Variants in SAMHD1 observed in about 807,000 individuals in gnomAD.
The protein encoded by SAMHD1 is deoxynucleoside triphosphate triphosphohydrolase SAMHD1.
A neutral mutation model predicts 79.6 loss-of-function variants in SAMHD1; 54 were observed. The ratio of observed to expected loss-of-function variants is 0.68; its 90% confidence interval spans 0.55 to 0.85. The LOEUF (loss-of-function observed/expected upper bound fraction) is 0.85, where lower values mean the gene tolerates loss of function less well. Among genes scored for constraint, SAMHD1 ranks in the 40% least tolerant of loss-of-function variants. SAMHD1 has a pLI of 0.00. For missense variants in SAMHD1, 663 were observed against 782.7 expected (o/e 0.85, Z 1.82); for synonymous variants, 260 against 264.1 (o/e 0.98, Z 0.15).
intron 4 of SAMHD1, chr20:36,934,517 C>CAAAAAAAA (rs35696057): frequency 3.7e-5 from 2 of 53,986 alleles, no homozygotes; most frequent in African/African-American, 1.4e-4. Context: ...GACTCTGTCT[C>CAAAAAAAA]AAAAAAAAAA....
chr20:36,929,174 G>A (rs2063553729), intron 5 of SAMHD1, among the ~76,000 whole-genome samples: 1 of 152,098 alleles, frequency 6.6e-6, no homozygotes, highest in Admixed American at 6.6e-5. Flanking sequence ...GCAGTGCTCA[G>A]GCTCCTGGGG....
intron 5 of SAMHD1, 26 bp downstream of exon 5, chr20:36,930,734 C>G (rs2063563270): frequency 6.7e-7 from 1 of 1,483,084 alleles, no homozygotes; most frequent in Non-Finnish European, 9.4e-7. Flanking sequence ...TTTTACATAA[C>G]AACTTTGTCT....
intron 13 of SAMHD1, among the ~76,000 whole-genome samples, chr20:36,900,024 C>G (rs983312408): frequency 2.7e-5 from 4 of 149,462 alleles, no homozygotes; most frequent in Non-Finnish European, 5.9e-5. Flanking sequence ...AACCCAGGAG[C>G]TGGAGGTTGC....
chr20:36,924,460 A>T (rs761580634), intron 6 of SAMHD1, among the ~76,000 whole-genome samples: 2 of 152,130 alleles, frequency 1.3e-5, no homozygotes, highest in Non-Finnish European at 2.9e-5. Flanking sequence ...CAGGAGGAGG[A>T]GGTGATCACA....
chr20:36,916,427 T>A, intron 9 of SAMHD1: 2 of 336,428 alleles, frequency 5.9e-6, no homozygotes, highest in Non-Finnish European at 1.1e-5. Context: ...AGCTCAGGAG[T>A]TCAAGACTAG....
intron 6 of SAMHD1, among the ~76,000 whole-genome samples, chr20:36,924,801 T>C (rs765437147): frequency 2.6e-5 from 4 of 151,920 alleles, no homozygotes; most frequent in Non-Finnish European, 5.9e-5. Flanking sequence ...TCATCATATA[T>C]GGGAAGTTAA....
chr20:36,926,095 T>C (rs947462198), intron 6 of SAMHD1, among the ~76,000 whole-genome samples: 3 of 150,802 alleles, frequency 2.0e-5, no homozygotes, highest in African/African-American at 5.0e-5. Flanking sequence ...TACAACAACA[T>C]AGAAAATGTA....
chr20:36,904,846 AC>A (rs1488347130), intron 12 of SAMHD1: 2 of 181,502 alleles, frequency 1.1e-5, no homozygotes, highest in Non-Finnish European at 2.4e-5. Context: ...TATAAGTATG[AC>A]TTGTGTTACG....
chr20:36,930,707 G>A, intron 5 of SAMHD1, 53 bp downstream of exon 5: 3 of 1,185,672 alleles, frequency 2.5e-6, no homozygotes, highest in Non-Finnish European at 3.8e-6. Context: ...GTCAAAGAGA[G>A]GTAACATATG....
At chr20:36,905,709 G>A (rs1797311883) in intron 11 of SAMHD1, among the ~76,000 whole-genome samples, 1 of 152,142 alleles carries the variant, frequency 6.6e-6, no homozygotes, top group Admixed American at 6.6e-5. Context: ...AGTGGCTCAT[G>A]CCTGCAATCC....
intron 2 of SAMHD1, among the ~76,000 whole-genome samples, chr20:36,945,011 A>G (rs185934178): frequency 2.2e-4 from 33 of 152,000 alleles, no homozygotes; most frequent in Admixed American, 1.7e-3. Flanking sequence ...GTAACTATGT[A>G]TGTATGTATG....
In SAMHD1 at chr20:36,946,831, T is replaced by A. The variant is rs775195518; in HGVS notation, c.209-27A>T. 3.9e-6 allele frequency: 6 copies of A among 1,555,728 alleles called. No individual in the cohort carries two copies. The East Asian group carries it at 1.4e-4, about 35-fold the overall frequency. ...TATGGAAGAAAAAAGACAAATTCAA[T>A]GTATACAACATATGCTTTTCATTTT... On this transcript the variant is annotated intron_variant, in intron 1 of 15. Coordinates refer to ENST00000646673, the MANE Select transcript of SAMHD1 (RefSeq NM_015474.4).
chr20:36,894,874 T>G lies in SAMHD1; in HGVS notation c.1747-1808A>C, dbSNP rs746554096. 7.9e-5 allele frequency among the ~76,000 whole-genome samples: 12 copies of G among 151,978 alleles called. 1 individual carries two copies. Among genetic ancestry groups the G allele is most frequent in the African/African-American group, 1.7e-4 (7 of 41,428 alleles). On this transcript the variant is annotated intron_variant, in intron 15 of 15. Coordinates refer to ENST00000646673, the MANE Select transcript of SAMHD1 (RefSeq NM_015474.4). ...ATCTCTATTTCTACCCAGCTTGCTTTCTTTCTTTCTTTTTTTGAGACAGCA... is the reference window on the plus strand; with the variant it reads ...ATCTCTATTTCTACCCAGCTTGCTTGCTTTCTTTCTTTTTTTGAGACAGCA...
chr20:36,905,617 T>C (rs1370239721), intron 11 of SAMHD1, 114 bp from the exon 12 acceptor site: 1 of 916,624 alleles, frequency 1.1e-6, no homozygotes, highest in Non-Finnish European at 1.7e-6. Context: ...TGTAGGTACA[T>C]TATTATTTTA....
chr20:36,928,203 A>G (rs926826099), intron 5 of SAMHD1, among the ~76,000 whole-genome samples: 1 of 150,364 alleles, frequency 6.7e-6, no homozygotes, highest in Admixed American at 6.6e-5. Context: ...CCCGGCCAAC[A>G]TGGTAAAAAC....
At chr20:36,922,257 A>C (rs894650280) in intron 6 of SAMHD1, among the ~76,000 whole-genome samples, 1 of 152,224 alleles carries the variant, frequency 6.6e-6, no homozygotes, top group Non-Finnish European at 1.5e-5. Flanking sequence ...GTAAAATTTG[A>C]AAGTCTGAAT....
At chr20:36,946,537 A>C (rs555089608) in intron 2 of SAMHD1, 1 of 524,602 alleles carries the variant, frequency 1.9e-6, no homozygotes, top group East Asian at 3.4e-5. Flanking sequence ...CAGTGAGCCG[A>C]GATACTCCAG....
At chr20:36,901,289 C>T (rs896079798) in intron 13 of SAMHD1, among the ~76,000 whole-genome samples, 9 of 152,036 alleles carry the variant, frequency 5.9e-5, no homozygotes, top group South Asian at 2.1e-4. Context: ...CTCAGCCTCC[C>T]GAGTAGCTGG....
At position 36,904,159 on chromosome 20, in the gene SAMHD1, C is replaced by T. The variant is rs1239173926; in HGVS notation, c.1501G>A (p.Asp501Asn). 6.2e-7 allele frequency: 1 copy of T among 1,602,752 alleles called. No homozygotes were observed. Among genetic ancestry groups the T allele is most frequent in the Non-Finnish European group, 8.5e-7 (1 of 1,169,724 alleles). ...TTATTACTGGGCTAATTACTTACAT[C>T]CACTATAAAATCTTCAGCCTTCAGT... ...VKLKAEDFIV[D>N]VINMDYGMQE... The change falls in exon 13 of 16, where the codon GAT becomes AAT. Residue 501 changes from aspartate (D) to asparagine (N), a missense_variant and splice_region_variant. Transcript: ENST00000646673.
Sources: gnomAD v4.1 joint callset for allele counts (sites outside exome capture counted in the v4.1 genomes callset) on GRCh38, gnomAD v4.1.1 for gene constraint, MANE v1.5 for transcripts, NCBI Gene and HGNC (gene_info 2026-07-23, HGNC 2026-07-21) for gene names.